The following KIAA0319L variants were observed in gnomAD, a reference collection of about 807,000 sequenced individuals.
KIAA0319L encodes the protein dyslexia-associated protein KIAA0319-like protein.
A neutral mutation model predicts 120.1 loss-of-function variants in KIAA0319L; 55 were observed. The ratio of observed to expected loss-of-function variants is 0.46; its 90% CI spans 0.37 to 0.57. The LOEUF (loss-of-function observed/expected upper bound fraction) is 0.57. KIAA0319L is among the 20% of genes least tolerant of loss of function. The pLI is 0.00. For synonymous variants in KIAA0319L, 398 were observed against 471.9 expected (o/e 0.84, Z 2.03); for missense variants, 1,049 against 1,255.3 (o/e 0.84, Z 2.48).
At chr1:35,548,009 T>C (rs1220859453) in intron 2 of KIAA0319L, among the ~76,000 whole-genome samples, 2 of 151,776 alleles carry the variant, frequency 1.3e-5, no homozygotes, top group African/African-American at 4.8e-5. Flanking sequence ...TAGTCCCAGC[T>C]ACTCGGGAGG....
intron 16 of KIAA0319L, 42 bp from the exon 17 acceptor site, chr1:35,444,345 A>G (rs760350140): frequency 6.5e-7 from 1 of 1,531,030 alleles, no homozygotes; most frequent in Non-Finnish European, 8.8e-7. Flanking sequence ...GAAGCGGTCC[A>G]TACCTGCAGC....
intron 3 of KIAA0319L, among the ~76,000 whole-genome samples, chr1:35,484,817 T>A (rs1236553395): frequency 4.3e-5 from 6 of 139,172 alleles, no homozygotes; most frequent in South Asian, 2.3e-4. Flanking sequence ...TTTTTTTTTT[T>A]ATTATACTCT....
chr1:35,526,368 CATACATATATATATACATACATAT>C (rs1398846515), intron 2 of KIAA0319L, among the ~76,000 whole-genome samples: 3 of 132,068 alleles, frequency 2.3e-5, no homozygotes, highest in African/African-American at 8.9e-5. Context: ...TATATATATA[CATACATATATATATACATACATAT>C]ATATATATAT....
intron 2 of KIAA0319L, among the ~76,000 whole-genome samples, chr1:35,529,701 G>C (rs757327302): frequency 6.6e-6 from 1 of 152,160 alleles, no homozygotes; most frequent in South Asian, 2.1e-4. Flanking sequence ...GATTCCTTTA[G>C]ATGTGAACAG....
chr1:35,461,120 G>T lies in KIAA0319L; in HGVS notation c.1295-683C>A, dbSNP rs138209349. Reference sequence around the variant, plus strand: ...AAATTATACATCTATATGATGGAATGCTACTTAATCATTTTTTAAAAAAAA... The same window carrying T: ...AAATTATACATCTATATGATGGAATTCTACTTAATCATTTTTTAAAAAAAA... On this transcript the variant is annotated intron_variant, in intron 8 of 20. Coordinates refer to ENST00000325722, the MANE Select transcript of KIAA0319L (RefSeq NM_024874.5). Among the ~76,000 whole-genome samples, 525 of 152,266 alleles carry T rather than the reference G, an allele frequency of 3.4e-3. 2 individuals carry two copies. The highest frequency in any genetic ancestry group is 4.8e-3 in the Non-Finnish European group (326 of 68,014).
At chr1:35,478,858 AAC>A (rs1238975428) in intron 4 of KIAA0319L, 106 bp downstream of exon 4, 4 of 1,318,534 alleles carry the variant, frequency 3.0e-6, no homozygotes, top group Non-Finnish European at 4.2e-6. Context: ...TTTTTTCTCT[AAC>A]ACACAGTATT....
chr1:35,469,921 G>A (rs192309720), intron 6 of KIAA0319L, among the ~76,000 whole-genome samples: 2 of 151,896 alleles, frequency 1.3e-5, no homozygotes, highest in Non-Finnish European at 2.9e-5. Flanking sequence ...TGGGCTTTAG[G>A]GCAGTAGTAT....
intron 7 of KIAA0319L, among the ~76,000 whole-genome samples, chr1:35,464,563 T>C (rs1643123328): frequency 6.6e-6 from 1 of 152,216 alleles, no homozygotes; most frequent in Non-Finnish European, 1.5e-5. Flanking sequence ...TCAGAAAATT[T>C]GCAGCCTGAC....
chr1:35,526,958 G>A (rs1008968270), intron 2 of KIAA0319L, among the ~76,000 whole-genome samples: 1 of 152,158 alleles, frequency 6.6e-6, no homozygotes, highest in African/African-American at 2.4e-5. Flanking sequence ...TGCACCTATA[G>A]TCCCAGCTAC....
chr1:35,471,942 C>T (rs993940931), intron 5 of KIAA0319L, among the ~76,000 whole-genome samples: 2 of 152,134 alleles, frequency 1.3e-5, no homozygotes, highest in African/African-American at 2.4e-5. Context: ...ATTTTTTTGG[C>T]CAGTTGTCAG....
At chr1:35,445,641 ATTTT>A (rs1641565453) in intron 16 of KIAA0319L, among the ~76,000 whole-genome samples, 1 of 152,212 alleles carries the variant, frequency 6.6e-6, no homozygotes, top group South Asian at 2.1e-4. Context: ...AGGTACTAGT[ATTTT>A]CACAGATAGT....
At position 35,450,465 on chromosome 1, in the gene KIAA0319L, TCAC is replaced by T; in HGVS notation, c.2104_2106del (p.Val702del). On this transcript the variant is annotated inframe_deletion, in exon 14 of 21. Coordinates refer to ENST00000325722, the MANE Select transcript of KIAA0319L (RefSeq NM_024874.5). ...TCTGCTGTGCTCGTGGGTAGGGTAA[TCAC>T]CACATTCCCAGTTATCTTGGCTATA... 3 of 1,614,088 alleles carry T rather than the reference TCAC, an allele frequency of 1.9e-6. No individual in the cohort carries two copies. Among genetic ancestry groups the T allele is most frequent in the Non-Finnish European group, 2.5e-6 (3 of 1,179,924 alleles).
At chr1:35,503,867 A>G (rs569786738) in intron 3 of KIAA0319L, among the ~76,000 whole-genome samples, 1 of 151,758 alleles carries the variant, frequency 6.6e-6, no homozygotes, top group East Asian at 1.9e-4. Flanking sequence ...AATACTAAGT[A>G]TATTTTCCCT....
At chr1:35,459,142 A>G (rs1275770885) in intron 9 of KIAA0319L, among the ~76,000 whole-genome samples, 2 of 152,150 alleles carry the variant, frequency 1.3e-5, no homozygotes, top group Non-Finnish European at 2.9e-5. Context: ...GAGGAGAGCC[A>G]TATTCTCTCC....
Position 35,434,965 on chromosome 1 carries a change from C to G in KIAA0319L, c.3079G>C (p.Gly1027Arg), listed in dbSNP as rs548927392. The G allele has an allele frequency of 3.4e-4, 554 of 1,614,110 alleles. 10 individuals carry two copies. In the South Asian group the frequency reaches 5.7e-3, roughly 17 times the overall value. ...PDREKGKLLH[G>R]QNGSVPNGQT... ...CCGTTGGGTACAGAGCCATTCTGAC[C>G]ATGCAGGAGTTTGCCCTTCTCTCGG... The change falls in exon 21 of 21, where the codon GGT becomes CGT. Residue 1027 changes from glycine to arginine, a missense_variant. By Grantham distance (125) the Gly-to-Arg change is moderately radical. Coordinates refer to ENST00000325722, the MANE Select transcript of KIAA0319L (RefSeq NM_024874.5).
At chr1:35,450,613 G>T in intron 13 of KIAA0319L, 104 bp from the exon 14 acceptor site, 1 of 1,150,212 alleles carries the variant, frequency 8.7e-7, no homozygotes, top group Non-Finnish European at 1.2e-6. Context: ...TACCTTAACT[G>T]GAGAACCTTT....
Position 35,448,194 on chromosome 1 carries a change from A to C in KIAA0319L, c.2492T>G (p.Ile831Ser). The C allele has an allele frequency of 6.2e-7, 1 of 1,613,604 alleles. No individual in the cohort carries two copies. Among genetic ancestry groups the C allele is most frequent in the Non-Finnish European group, 8.5e-7 (1 of 1,179,754 alleles). The change falls in exon 16 of 21, where the codon ATT (isoleucine) becomes AGT (serine). Residue 831 changes from isoleucine to serine, a missense_variant. Physicochemically the swap from Ile to Ser is moderately radical, Grantham distance 142. Transcript: ENST00000325722. ...CTACCTCTGCTCCGTGTACGGCTGAATCTTTTGCACAATGATGTCGGAATC... is the reference window on the plus strand; with the variant it reads ...CTACCTCTGCTCCGTGTACGGCTGACTCTTTTGCACAATGATGTCGGAATC... ...VLDSDIIVQK[I>S]QPYTEQSTKM... is the part of the protein sequence containing the mutation.
At chr1:35,462,526 G>A (rs879916962) in intron 8 of KIAA0319L, 95 bp downstream of exon 8, 218 of 1,005,624 alleles carry the variant, frequency 2.2e-4, no homozygotes, top group Non-Finnish European at 4.3e-5. Flanking sequence ...TAAACAGAAC[G>A]CAGACACAGC....
At chr1:35,510,274 G>A (rs1486043013) in intron 2 of KIAA0319L, 1 of 152,096 alleles carries the variant, frequency 6.6e-6, no homozygotes, top group African/African-American at 2.4e-5. Flanking sequence ...TGTACTGAAT[G>A]TGGCAAATTC....
Sources: gnomAD v4.1 joint callset for allele counts (sites outside exome capture counted in the v4.1 genomes callset) on GRCh38, gnomAD v4.1.1 for gene constraint, MANE v1.5 for transcripts, NCBI Gene and HGNC (gene_info 2026-07-23, HGNC 2026-07-21) for gene names.